MYO5B: variants seen among roughly 807,000 people sequenced by gnomAD.
The protein encoded by MYO5B is unconventional myosin-Vb.
Under a neutral mutation model 229.3 loss-of-function variants are expected in MYO5B, and 143 were observed. The ratio of observed to expected loss-of-function variants is 0.62; its 90% confidence interval spans 0.54 to 0.72. The LOEUF (loss-of-function observed/expected upper bound fraction) is 0.72, where lower values mean the gene tolerates loss of function less well. Among genes scored for constraint, MYO5B ranks in the 30% least tolerant of loss-of-function variants. MYO5B has a pLI of 0.00. For missense variants in MYO5B, 2,321 were observed against 2,331.0 expected (o/e 1.00, Z 0.09); for synonymous variants, 918 against 885.2 (o/e 1.04, Z -0.66).
intron 17 of MYO5B, among the ~76,000 whole-genome samples, chr18:49,921,080 G>A (rs958906590): frequency 1.3e-5 from 2 of 152,126 alleles, no homozygotes; most frequent in African/African-American, 4.8e-5. Flanking sequence ...TGATTAAATA[G>A]GGAGAGGAAG....
intron 1 of MYO5B, among the ~76,000 whole-genome samples, chr18:50,113,155 C>T (rs1275426283): frequency 6.6e-6 from 1 of 152,148 alleles, no homozygotes; most frequent in African/African-American, 2.4e-5. Flanking sequence ...CTGTAGTTTC[C>T]CATCCATTCT....
chr18:50,062,524 G>T (rs2030713883), intron 1 of MYO5B, among the ~76,000 whole-genome samples: 1 of 152,212 alleles, frequency 6.6e-6, no homozygotes, highest in South Asian at 2.1e-4. Flanking sequence ...CTGTGTTGTA[G>T]GAACTATGAA....
intron 1 of MYO5B, among the ~76,000 whole-genome samples, chr18:50,148,297 C>A (rs1168638543): frequency 6.7e-6 from 1 of 150,254 alleles, no homozygotes; most frequent in Admixed American, 6.6e-5. Flanking sequence ...CTATTCCAAT[C>A]AATAGAAAAA....
intron 1 of MYO5B, among the ~76,000 whole-genome samples, chr18:50,090,403 T>A (rs1299593608): frequency 6.6e-6 from 1 of 152,106 alleles, no homozygotes; most frequent in Non-Finnish European, 1.5e-5. Flanking sequence ...AGACACACTT[T>A]GTGTCTGCTC....
chr18:50,064,995 T>C (rs2030783377), intron 1 of MYO5B, among the ~76,000 whole-genome samples: 1 of 152,166 alleles, frequency 6.6e-6, no homozygotes, highest in Admixed American at 6.6e-5. Flanking sequence ...TGAGTTGGTT[T>C]GTCCTTACTC....
intron 4 of MYO5B, among the ~76,000 whole-genome samples, chr18:50,025,908 A>G (rs1208155731): frequency 6.6e-6 from 1 of 152,258 alleles, no homozygotes; most frequent in Non-Finnish European, 1.5e-5. Context: ...CTATCAATAA[A>G]GAAAACTGTG....
In MYO5B at chr18:49,823,243, T is replaced by G. The variant is rs1262082104; in HGVS notation, c.*3228A>C. 6.6e-6 allele frequency: 1 copy of G among 152,294 alleles called. No individual in the cohort carries two copies. Among genetic ancestry groups the G allele is most frequent in the Admixed American group, 6.5e-5 (1 of 15,292 alleles). 9.4% of individuals were successfully genotyped at this position (152,294 alleles called of 1,614,324 possible). Reference sequence around the variant, plus strand: ...TCTACACCCTCTAATTCTCTAATTATGGCACCAGTGGGTATAAAAAGTGAA... The same window carrying G: ...TCTACACCCTCTAATTCTCTAATTAGGGCACCAGTGGGTATAAAAAGTGAA... On this transcript the variant is annotated 3_prime_UTR_variant, in exon 40 of 40. Coordinates refer to ENST00000285039, the MANE Select transcript of MYO5B (RefSeq NM_001080467.3).
intron 14 of MYO5B, among the ~76,000 whole-genome samples, chr18:49,945,452 C>T (rs894322182): frequency 8.0e-6 from 1 of 124,458 alleles, no homozygotes; most frequent in Non-Finnish European, 1.6e-5. Flanking sequence ...ATCATGCAGT[C>T]CTTTTTTTTT....
At chr18:49,966,392 G>A (rs2025626233) in intron 10 of MYO5B, among the ~76,000 whole-genome samples, 1 of 152,210 alleles carries the variant, frequency 6.6e-6, no homozygotes, top group Non-Finnish European at 1.5e-5. Flanking sequence ...CCAAGCAGGA[G>A]AAGCACTGTG....
At chr18:49,964,500 G>A (rs11877638) in intron 10 of MYO5B, among the ~76,000 whole-genome samples, 2,160 of 152,228 alleles carry the variant, frequency 0.014, 44 homozygotes, top group African/African-American at 0.049. Flanking sequence ...CTCCATTCGG[G>A]TCAGCCTCCA....
chr18:49,838,035 A>G lies in MYO5B; in HGVS notation c.4853-233T>C, dbSNP rs914532919. Among the ~76,000 whole-genome samples, 4 of 152,232 alleles carry G rather than the reference A, an allele frequency of 2.6e-5. No homozygotes were observed. The East Asian group carries it at 7.7e-4, about 29-fold the overall frequency. ...TCATTTAATTTACTGGCAATTAGAC[A>G]AAGATGATGGGCATGTACCAGCTCG... On this transcript the variant is annotated intron_variant, in intron 36 of 39. Transcript: ENST00000285039.
chr18:50,035,690 T>C (rs1416701830), intron 4 of MYO5B, among the ~76,000 whole-genome samples: 2 of 152,254 alleles, frequency 1.3e-5, no homozygotes, highest in Admixed American at 1.3e-4. Context: ...GATAGCAGGT[T>C]AATATAGTGT....
chr18:50,043,000 C>A (rs1017458403), intron 2 of MYO5B, among the ~76,000 whole-genome samples: 1 of 152,026 alleles, frequency 6.6e-6, no homozygotes, highest in East Asian at 1.9e-4. Flanking sequence ...TAAACTAATA[C>A]AACCACTATG....
chr18:50,033,994 C>T (rs190779075), intron 4 of MYO5B, among the ~76,000 whole-genome samples: 1 of 152,292 alleles, frequency 6.6e-6, no homozygotes, highest in East Asian at 1.9e-4. Context: ...CTCAAAGCAT[C>T]AAGAGTTCCT....
Position 50,012,302 on chromosome 18 carries a change from T to C in MYO5B, c.456-10891A>G, listed in dbSNP as rs184940030. Among the ~76,000 whole-genome samples the C allele has an allele frequency of 3.3e-5, 5 of 152,302 alleles. No homozygotes were observed. In the East Asian group the frequency reaches 9.7e-4, roughly 29 times the overall value. On this transcript the variant is annotated intron_variant, in intron 4 of 39. Transcript: ENST00000285039. ...AGCAATTCAAATACCTTGTAACTTG[T>C]TCATGGTCAACATTAGCCTAATACA...
chr18:49,863,445 A>T (rs951342929), intron 28 of MYO5B, 118 bp from the exon 29 acceptor site: 42 of 849,080 alleles, frequency 4.9e-5, no homozygotes, highest in Non-Finnish European at 7.4e-5. Flanking sequence ...GAAAGAACAG[A>T]GATAACCACA....
intron 5 of MYO5B, among the ~76,000 whole-genome samples, chr18:50,000,116 C>A (rs561778591): frequency 6.6e-6 from 1 of 152,292 alleles, no homozygotes; most frequent in Admixed American, 6.5e-5. Context: ...CCCTGTGAAT[C>A]AAGACTCAAT....
At chr18:49,996,228 TA>T (rs2025985717) in intron 5 of MYO5B, among the ~76,000 whole-genome samples, 1 of 152,202 alleles carries the variant, frequency 6.6e-6, no homozygotes, top group African/African-American at 2.4e-5. Context: ...TTGATAGATC[TA>T]AAAGTACTGG....
At chr18:49,909,270 C>T (rs2024932819) in intron 18 of MYO5B, among the ~76,000 whole-genome samples, 1 of 152,204 alleles carries the variant, frequency 6.6e-6, no homozygotes, top group Non-Finnish European at 1.5e-5. Flanking sequence ...TAGAAGACCC[C>T]AGGGAAATCT....
Sources: allele counts gnomAD v4.1 joint callset (sites outside exome capture counted in the v4.1 genomes callset), GRCh38; gene constraint gnomAD v4.1.1; transcripts MANE v1.5; gene names NCBI Gene and HGNC (gene_info 2026-07-23, HGNC 2026-07-21).